The following MAF variants were observed in gnomAD, a reference collection of about 807,000 sequenced individuals.
MAF encodes the protein transcription factor Maf.
MAF carries 10 observed loss-of-function variants against 22.0 expected under a neutral mutation model. The observed-to-expected ratio is 0.45, with a 90% CI of 0.28 to 0.77. MAF has a LOEUF of 0.77. Ranked by LOEUF, MAF falls within the 30% of genes least tolerant of loss-of-function variation. The probability of loss-of-function intolerance (pLI) is 0.12; values close to 1 mark genes in which losing one functional copy is unlikely to be tolerated. For missense variants in MAF, 544 were observed against 548.4 expected (o/e 0.99, Z 0.08); for synonymous variants, 337 against 255.8 (o/e 1.32, Z -3.03).
At chr16:79,297,457 C>T in the MAF span, among the ~76,000 whole-genome samples, 1 of 152,142 alleles carries the variant, frequency 6.6e-6, no homozygotes, top group Non-Finnish European at 1.5e-5. Context: ...CATTTTGTAA[C>T]AAAGTCAGAC....
chr16:79,337,395 T>C, the MAF span, among the ~76,000 whole-genome samples: 7 of 151,902 alleles, frequency 4.6e-5, no homozygotes, highest in Admixed American at 3.9e-4. Flanking sequence ...TACGGTGAAA[T>C]TCTGTCTCTA....
the MAF span, among the ~76,000 whole-genome samples, chr16:79,536,018 A>T: frequency 6.6e-6 from 1 of 152,162 alleles, no homozygotes; most frequent in African/African-American, 2.4e-5. Context: ...GATTATGTCC[A>T]ATTATGTTTG....
the MAF span, among the ~76,000 whole-genome samples, chr16:79,471,020 T>C: frequency 6.6e-6 from 1 of 152,184 alleles, no homozygotes; most frequent in African/African-American, 2.4e-5. Context: ...TCACATCACC[T>C]CCCACCCTAG....
chr16:79,410,356 T>C, the MAF span, among the ~76,000 whole-genome samples: 1 of 152,252 alleles, frequency 6.6e-6, no homozygotes, highest in East Asian at 1.9e-4. Context: ...AGTTTTTCTT[T>C]TGTCAAAGTT....
At chr16:79,370,006 G>C in the MAF span, among the ~76,000 whole-genome samples, 6 of 152,294 alleles carry the variant, frequency 3.9e-5, no homozygotes, top group Non-Finnish European at 8.8e-5. Context: ...TCACGGAGGT[G>C]ACTCAACCGG....
At chr16:79,374,193 T>G in the MAF span, among the ~76,000 whole-genome samples, 2 of 152,310 alleles carry the variant, frequency 1.3e-5, no homozygotes, top group Non-Finnish European at 2.9e-5. Context: ...CCCTATTTGT[T>G]TCTTTGGGAA....
the MAF span, among the ~76,000 whole-genome samples, chr16:79,295,349 C>A: frequency 6.6e-6 from 1 of 152,156 alleles, no homozygotes; most frequent in Non-Finnish European, 1.5e-5. Context: ...GAAACTTTAG[C>A]ACAGCCACGT....
At chr16:79,261,047 G>A in the MAF span, among the ~76,000 whole-genome samples, 1 of 152,150 alleles carries the variant, frequency 6.6e-6, no homozygotes, top group Non-Finnish European at 1.5e-5. Context: ...TGAGGGCTGG[G>A]GCTGCAGGCG....
At chr16:79,594,685 TACTC>T (rs1913407545) in intron 1 of MAF, 132 bp from the exon 2 acceptor site, 5 of 1,488,686 alleles carry the variant, frequency 3.4e-6, no homozygotes, top group Non-Finnish European at 3.6e-6. Context: ...GAATGGCACT[TACTC>T]AGGATTTAGG....
At chr16:79,235,822 G>A in the MAF span, among the ~76,000 whole-genome samples, 3 of 152,156 alleles carry the variant, frequency 2.0e-5, no homozygotes, top group East Asian at 5.8e-4. Context: ...TAGCAGTAAT[G>A]GTTGTGATGG....
chr16:79,567,058 G>A, the MAF span, among the ~76,000 whole-genome samples: 2 of 152,206 alleles, frequency 1.3e-5, no homozygotes, highest in African/African-American at 2.4e-5. Flanking sequence ...GGTGGCTCAC[G>A]CCTGTAATGC....
At chr16:79,414,969 G>C in the MAF span, among the ~76,000 whole-genome samples, 1 of 152,206 alleles carries the variant, frequency 6.6e-6, no homozygotes, top group Non-Finnish European at 1.5e-5. Context: ...AGAGACCACA[G>C]GAAATTCTGC....
the MAF span, among the ~76,000 whole-genome samples, chr16:79,374,431 T>C: frequency 6.6e-6 from 1 of 152,204 alleles, no homozygotes; most frequent in South Asian, 2.1e-4. Flanking sequence ...TTTTGTTCCC[T>C]CCCCTACATT....
the MAF span, among the ~76,000 whole-genome samples, chr16:79,521,855 C>A: frequency 6.6e-6 from 1 of 152,162 alleles, no homozygotes; most frequent in Non-Finnish European, 1.5e-5. Context: ...TTCTATCTCA[C>A]AATCCTATGT....
the MAF span, among the ~76,000 whole-genome samples, chr16:79,293,189 G>T: frequency 1.3e-5 from 2 of 152,082 alleles, no homozygotes; most frequent in Non-Finnish European, 2.9e-5. Flanking sequence ...CTCTCTTGGG[G>T]TCTGGATCAG....
At chr16:79,203,529 G>A in the MAF span, 1 of 149,316 alleles carries the variant, frequency 6.7e-6, no homozygotes, top group Non-Finnish European at 1.5e-5. Flanking sequence ...TGCTTTTTCA[G>A]GACTATGTTA....
the MAF span, among the ~76,000 whole-genome samples, chr16:79,533,559 G>A: frequency 1.3e-5 from 2 of 152,224 alleles, no homozygotes; most frequent in South Asian, 2.1e-4. Context: ...GGGGGAGGGG[G>A]AATGGAAAGT....
the MAF span, among the ~76,000 whole-genome samples, chr16:79,492,952 A>G: frequency 7.0e-6 from 1 of 142,542 alleles, no homozygotes; most frequent in Non-Finnish European, 1.6e-5. Context: ...GGTTACATGG[A>G]TGTTTTCTTT....
the MAF span, among the ~76,000 whole-genome samples, chr16:79,225,129 T>C: frequency 2.6e-5 from 4 of 152,106 alleles, no homozygotes; most frequent in South Asian, 8.3e-4. Context: ...AAGGCTACAA[T>C]AACTAAAAAG....
Sources: allele counts gnomAD v4.1 joint callset (sites outside exome capture counted in the v4.1 genomes callset), GRCh38; gene constraint gnomAD v4.1.1; transcripts MANE v1.5; gene names NCBI Gene and HGNC (gene_info 2026-07-23, HGNC 2026-07-21).